RGPD2: variants seen among roughly 807,000 people sequenced by gnomAD.
RGPD2 encodes RANBP2-like and GRIP domain-containing protein 2.
A neutral mutation model predicts 36.0 loss-of-function variants in RGPD2; 2 were observed. The ratio of observed to expected loss-of-function variants is 0.06; its 90% confidence interval spans 0.02 to 0.17. The LOEUF is 0.17. Ranked by LOEUF, RGPD2 falls within the 10% of genes least tolerant of loss-of-function variation. RGPD2 has a pLI of 1.00. For synonymous variants in RGPD2, 19 were observed against 163.8 expected (o/e 0.12, Z 6.75); for missense variants, 40 against 464.3 (o/e 0.09, Z 8.40).
chr2:87,945,094 A>G, the RGPD2 span, among the ~76,000 whole-genome samples: 1 of 152,150 alleles, frequency 6.6e-6, no homozygotes, highest in East Asian at 1.9e-4. Flanking sequence ...ACACAAAAAA[A>G]TGAAAAAGAT....
At chr2:87,842,336 T>C in the RGPD2 span, among the ~76,000 whole-genome samples, 2 of 148,586 alleles carry the variant, frequency 1.3e-5, no homozygotes, top group Non-Finnish European at 2.9e-5. Flanking sequence ...AAAATCTCCG[T>C]AAGCTGATAA....
chr2:87,973,995 C>A, the RGPD2 span, among the ~76,000 whole-genome samples: 5 of 152,164 alleles, frequency 3.3e-5, no homozygotes, highest in Admixed American at 3.3e-4. Flanking sequence ...GTTTCTAAAT[C>A]TAAAAAACTG....
chr2:87,922,850 G>A, the RGPD2 span, among the ~76,000 whole-genome samples: 2 of 152,176 alleles, frequency 1.3e-5, no homozygotes, highest in African/African-American at 4.8e-5. Flanking sequence ...CATCTGGGAG[G>A]TGGAGGATGG....
chr2:87,964,215 G>A, the RGPD2 span, among the ~76,000 whole-genome samples: 1 of 152,292 alleles, frequency 6.6e-6, no homozygotes, highest in East Asian at 1.9e-4. Context: ...ATTTATTAGG[G>A]ATTTTCACAT....
chr2:87,809,482 C>T (rs1164143913), intron 6 of RGPD2, among the ~76,000 whole-genome samples: 1 of 140,940 alleles, frequency 7.1e-6, no homozygotes, highest in Non-Finnish European at 1.6e-5. Context: ...TCCTGGCTAA[C>T]AGGGTGACAC....
the RGPD2 span, among the ~76,000 whole-genome samples, chr2:87,842,870 T>C: frequency 8.2e-5 from 12 of 146,030 alleles, no homozygotes; most frequent in African/African-American, 3.0e-4. Flanking sequence ...GAGATATAGA[T>C]CAATGGAACA....
chr2:87,880,852 G>T, the RGPD2 span, among the ~76,000 whole-genome samples: 1 of 99,194 alleles, frequency 1.0e-5, no homozygotes, highest in East Asian at 2.7e-4. Flanking sequence ...GACAAGGCAG[G>T]TTCCTTCCAC....
At chr2:87,847,237 A>T in the RGPD2 span, among the ~76,000 whole-genome samples, 3 of 152,160 alleles carry the variant, frequency 2.0e-5, no homozygotes, top group African/African-American at 7.2e-5. Flanking sequence ...TTATATTTGG[A>T]TGACATACCA....
chr2:87,978,235 G>A, the RGPD2 span, among the ~76,000 whole-genome samples: 23 of 152,208 alleles, frequency 1.5e-4, no homozygotes, highest in Middle Eastern at 6.8e-3. Flanking sequence ...AAGAACTCAC[G>A]TCTAGAACAT....
chr2:87,864,730 G>T, the RGPD2 span, among the ~76,000 whole-genome samples: 1 of 152,246 alleles, frequency 6.6e-6, no homozygotes, highest in Non-Finnish European at 1.5e-5. Flanking sequence ...TCATGTGCTT[G>T]TTTACCATCT....
intron 22 of RGPD2, among the ~76,000 whole-genome samples, chr2:87,763,522 AAACT>A (rs1310258806): frequency 5.4e-5 from 3 of 55,984 alleles, no homozygotes; most frequent in African/African-American, 7.6e-5. Flanking sequence ...CATTTTATTT[AAACT>A]AATATGTTCA....
At chr2:87,921,796 G>C in the RGPD2 span, among the ~76,000 whole-genome samples, 1 of 152,104 alleles carries the variant, frequency 6.6e-6, no homozygotes, top group African/African-American at 2.4e-5. Context: ...CAATGACAGG[G>C]GAGAATCTAG....
the RGPD2 span, among the ~76,000 whole-genome samples, chr2:87,836,891 CTT>C: frequency 6.6e-6 from 1 of 152,012 alleles, no homozygotes; most frequent in Admixed American, 6.6e-5. Flanking sequence ...TAGATAATAA[CTT>C]ATCATCAAAC....
the RGPD2 span, among the ~76,000 whole-genome samples, chr2:87,957,279 G>A: frequency 6.9e-6 from 1 of 145,816 alleles, no homozygotes. Flanking sequence ...AGAGACACAG[G>A]AGCTTATCTG....
chr2:87,923,259 C>T, the RGPD2 span, among the ~76,000 whole-genome samples: 2 of 152,028 alleles, frequency 1.3e-5, no homozygotes, highest in African/African-American at 4.8e-5. Context: ...AATTAGAAAA[C>T]CTGATAATCC....
the RGPD2 span, among the ~76,000 whole-genome samples, chr2:87,831,260 A>G: frequency 2.6e-5 from 4 of 152,120 alleles, no homozygotes; most frequent in African/African-American, 4.8e-5. Context: ...AAAATAGTCA[A>G]TATGAAGCAC....
chr2:87,785,875 T>TG (rs1234016980), intron 18 of RGPD2, among the ~76,000 whole-genome samples: 1 of 152,046 alleles, frequency 6.6e-6, no homozygotes, highest in East Asian at 1.9e-4. Flanking sequence ...AGACCTTTTA[T>TG]GCCTGTACAT....
chr2:87,983,251 C>A, the RGPD2 span, among the ~76,000 whole-genome samples: 2 of 152,192 alleles, frequency 1.3e-5, no homozygotes, highest in African/African-American at 2.4e-5. Context: ...ACTTAGGAGG[C>A]AGAGGTTGTA....
the RGPD2 span, among the ~76,000 whole-genome samples, chr2:87,857,353 T>C: frequency 6.6e-6 from 1 of 152,072 alleles, no homozygotes; most frequent in African/African-American, 2.4e-5. Context: ...TGTATACTTT[T>C]TTTTTTTGAG....
Sources: gnomAD v4.1 joint callset for allele counts (sites outside exome capture counted in the v4.1 genomes callset) on GRCh38, gnomAD v4.1.1 for gene constraint, MANE v1.5 for transcripts, NCBI Gene and HGNC (gene_info 2026-07-23, HGNC 2026-07-21) for gene names.